RFX7: variants seen among roughly 807,000 people sequenced by gnomAD.
The protein encoded by RFX7 is DNA-binding protein RFX7.
A neutral mutation model predicts 111.8 loss-of-function variants in RFX7; 26 were observed. The ratio of observed to expected loss-of-function variants is 0.23; its 90% CI spans 0.17 to 0.32. The LOEUF (loss-of-function observed/expected upper bound fraction) is 0.32, where lower values mean the gene tolerates loss of function less well. RFX7 is among the 10% of genes least tolerant of loss of function. The pLI, the probability that RFX7 is intolerant of heterozygous loss-of-function variation, is 1.00. For synonymous variants in RFX7, 624 were observed against 624.4 expected, an observed-to-expected ratio of 1.00 and a Z score of 0.01; for missense variants, 1,573 against 1,772.9, an observed-to-expected ratio of 0.89 and a Z score of 2.02.
chr15:56,151,030 C>T (rs557003709), intron 3 of RFX7, among the ~76,000 whole-genome samples: 17 of 151,626 alleles, frequency 1.1e-4, no homozygotes, highest in South Asian at 2.1e-4. Flanking sequence ...AAAAAAGGTA[C>T]GAGTCAAGCC....
intron 2 of RFX7, among the ~76,000 whole-genome samples, chr15:56,236,918 A>C (rs907555189): frequency 6.6e-6 from 1 of 152,238 alleles, no homozygotes; most frequent in Admixed American, 6.5e-5. Context: ...AATGTAATAT[A>C]TGCTCAATAA....
intron 2 of RFX7, among the ~76,000 whole-genome samples, chr15:56,194,610 T>G (rs1024992120): frequency 1.6e-4 from 24 of 152,036 alleles, no homozygotes; most frequent in Non-Finnish European, 3.5e-4. Flanking sequence ...TCATATGCTA[T>G]AAAACAAAAT....
intron 2 of RFX7, among the ~76,000 whole-genome samples, chr15:56,218,139 ATTTTCTTT>A (rs2043382769): frequency 1.9e-5 from 1 of 51,944 alleles, no homozygotes; most frequent in African/African-American, 9.0e-5. Flanking sequence ...TTTAGAAATG[ATTTTCTTT>A]TTTTTTTTTT....
intron 8 of RFX7, 55 bp from the exon 9 acceptor site, chr15:56,098,431 G>GA: frequency 6.7e-7 from 1 of 1,491,876 alleles, no homozygotes; most frequent in Non-Finnish European, 8.9e-7. Flanking sequence ...ATAGAAGGGA[G>GA]GTTCCTTTGA....
chr15:56,136,665 T>C lies in RFX7; in HGVS notation c.401+6113A>G, dbSNP rs530963288. On this transcript the variant is annotated intron_variant, in intron 5 of 9. Transcript: ENST00000559447. Reference sequence around the variant, plus strand: ...CTTCCAACACTATGTTGAATAGGAGTGGTGAGAGAGGGCATCCCTGTCTTG... The same window carrying C: ...CTTCCAACACTATGTTGAATAGGAGCGGTGAGAGAGGGCATCCCTGTCTTG... Among the ~76,000 whole-genome samples the C allele has an allele frequency of 5.4e-3, 816 of 151,254 alleles. 8 individuals are homozygous for C. Among genetic ancestry groups the C allele is most frequent in the Non-Finnish European group, 7.5e-3 (510 of 67,774 alleles).
chr15:56,242,225 T>C (rs757906090), intron 2 of RFX7, among the ~76,000 whole-genome samples: 1 of 152,308 alleles, frequency 6.6e-6, no homozygotes, highest in East Asian at 1.9e-4. Flanking sequence ...TTACTTTCCA[T>C]TTAAAAAATA....
intron 2 of RFX7, among the ~76,000 whole-genome samples, chr15:56,219,664 C>G (rs772459024): frequency 6.6e-6 from 1 of 152,174 alleles, no homozygotes; most frequent in East Asian, 1.9e-4. Flanking sequence ...TGACTTCCAG[C>G]TACATCCACG....
intron 5 of RFX7, among the ~76,000 whole-genome samples, chr15:56,127,704 T>G (rs2042162632): frequency 6.6e-6 from 1 of 151,632 alleles, no homozygotes; most frequent in South Asian, 2.1e-4. Flanking sequence ...CGCGCCACCA[T>G]GCCCGGCTAA....
chr15:56,136,854 T>C (rs1460013054), intron 5 of RFX7, among the ~76,000 whole-genome samples: 2 of 146,834 alleles, frequency 1.4e-5, no homozygotes, highest in Non-Finnish European at 3.0e-5. Flanking sequence ...CAAAGGCTTT[T>C]TCTGCATCTA....
In RFX7 at chr15:56,094,380, A is replaced by G. The variant is rs765559643; in HGVS notation, c.3348T>C (p.Thr1116=). Residue 1116 remains threonine (T), a synonymous_variant, in exon 10 of 10, where the codon ACT becomes ACC. Transcript: ENST00000559447. ...AGACAGGAGTCAAACGACCAAAATG[A>G]GTGTCATGATGTCTGGATTGAGACT... is the stretch of plus-strand genomic sequence containing the variant. The part of the protein sequence containing the change: ...SYQSQSRHHD[T]HFGRLTPVSP... 1 of 1,613,972 alleles carries G rather than the reference A, an allele frequency of 6.2e-7. No homozygotes were observed. The highest frequency in any genetic ancestry group is 8.5e-7 in the Non-Finnish European group (1 of 1,179,866).
At chr15:56,224,815 T>A (rs1879292271) in intron 2 of RFX7, among the ~76,000 whole-genome samples, 1 of 152,142 alleles carries the variant, frequency 6.6e-6, no homozygotes, top group Non-Finnish European at 1.5e-5. Flanking sequence ...TCCTACTTTT[T>A]GAAAATCATC....
chr15:56,174,221 T>C (rs1474873574), intron 3 of RFX7, among the ~76,000 whole-genome samples: 3 of 151,986 alleles, frequency 2.0e-5, no homozygotes, highest in African/African-American at 7.2e-5. Flanking sequence ...GAGGTTGCAG[T>C]GAGCTGAGAT....
rs2043731656 is a variant in RFX7, at chr15:56,243,234, G to C, written c.52C>G (p.Gln18Glu). ...GAGTTGGGGGCGCTGGGGGGAAGCT[G>C]CTGATGGGCATCAGGCTGCTGTGGT... ...PPPQQPDAHQQLPPSAPNSGV... is the reference protein window; with the variant it reads ...PPPQQPDAHQELPPSAPNSGV... The change falls in exon 2 of 10, where the codon CAG becomes GAG. Residue 18 changes from glutamine (Q) to glutamate (E), a missense_variant. Gln to Glu is a conservative substitution (Grantham distance 29). This residue lies in a region of RFX7 where 191 missense variants were observed against 194.2 expected (regional missense o/e 0.98). Transcript: ENST00000559447. The C allele has an allele frequency of 7.6e-7, 1 of 1,322,864 alleles. No individual in the cohort carries two copies. The highest frequency in any genetic ancestry group is 1.2e-5 in the South Asian group (1 of 82,468). 81.9% of individuals were successfully genotyped at this position (1,322,864 alleles called of 1,614,324 possible). A position where few individuals can be genotyped will look rare whatever the true frequency, so the allele number is the denominator to read the frequency against.
chr15:56,221,273 T>C (rs1238494241), intron 2 of RFX7, among the ~76,000 whole-genome samples: 2 of 152,256 alleles, frequency 1.3e-5, no homozygotes, highest in African/African-American at 2.4e-5. Context: ...TTGGGCAGTA[T>C]GGCCTTTTAA....
At chr15:56,151,440 T>C (rs1163292633) in intron 3 of RFX7, among the ~76,000 whole-genome samples, 1 of 152,194 alleles carries the variant, frequency 6.6e-6, no homozygotes, top group Non-Finnish European at 1.5e-5. Flanking sequence ...CAACCCAGAA[T>C]TTCATATTCA....
intron 5 of RFX7, among the ~76,000 whole-genome samples, chr15:56,110,234 T>C (rs1216169217): frequency 7.4e-5 from 7 of 94,036 alleles, no homozygotes; most frequent in Non-Finnish European, 1.1e-4. Context: ...GGAGCCCCTC[T>C]GCCCGGCCAG....
intron 2 of RFX7, among the ~76,000 whole-genome samples, chr15:56,181,123 A>G (rs72738636): frequency 0.13 from 19,796 of 152,166 alleles, 1,690 homozygotes; most frequent in East Asian, 0.44. Flanking sequence ...ATAAAAACCC[A>G]GTATGACCCA....
chr15:56,137,764 T>A (rs1312553815), intron 5 of RFX7, among the ~76,000 whole-genome samples: 2 of 152,122 alleles, frequency 1.3e-5, no homozygotes, highest in Non-Finnish European at 2.9e-5. Flanking sequence ...TGCTATAAAT[T>A]TCCCTCTACA....
rs2041654386 is a variant in RFX7 at position 56,095,114 on chromosome 15, T to A, written c.2614A>T (p.Asn872Tyr). 6.2e-7 allele frequency: 1 copy of A among 1,613,918 alleles called. No homozygotes were observed. Among genetic ancestry groups the A allele is most frequent in the South Asian group, 1.1e-5 (1 of 91,078 alleles). ...KEFEPSVSQT[N>Y]ESYFPFDDEL... The stretch of plus-strand genomic sequence containing the variant: ...TCATCAAAAGGAAAGTAGCTTTCAT[T>A]TGTCTGGGAAACAGAAGGCTCAAAC... Residue 872 changes from asparagine to tyrosine, a missense_variant, in exon 10 of 10, where the codon AAT becomes TAT. Around this residue, in one of 7 missense-constraint regions of RFX7, gnomAD observed 625 missense variants for 632.2 expected, o/e 0.99. Transcript: ENST00000559447.
Sources: allele counts gnomAD v4.1 joint callset (sites outside exome capture counted in the v4.1 genomes callset), GRCh38; gene constraint gnomAD v4.1.1; regional missense constraint gnomAD v4.1.1; transcripts MANE v1.5; gene names NCBI Gene and HGNC (gene_info 2026-07-23, HGNC 2026-07-21).